Variants in C19orf25 observed in about 807,000 individuals in gnomAD.
The protein encoded by C19orf25 is chromosome 19 open reading frame 25.
In C19orf25, 1 loss-of-function variant was observed where a neutral mutation model predicts 3.1. The observed-to-expected ratio is 0.32, with a 90% CI of 0.12 to 1.54. C19orf25 has a LOEUF of 1.54. Ranked by LOEUF, C19orf25 falls within the 40% of genes most tolerant of loss-of-function variation. C19orf25 has a pLI of 0.38. For synonymous variants in C19orf25, 91 were observed against 74.3 expected, an observed-to-expected ratio of 1.23 and a Z score of -1.16; for missense variants, 196 against 160.4, an observed-to-expected ratio of 1.22 and a Z score of -1.20.
intron 2 of C19orf25, chr19:1,478,408 C>G: frequency 2.2e-6 from 1 of 445,848 alleles, no homozygotes; most frequent in Non-Finnish European, 3.7e-6. Flanking sequence ...GCCCAGCTAA[C>G]TCTGTTTTGT....
In C19orf25 at chr19:1,473,711, C is replaced by A; in HGVS notation, c.*1321G>T. On this transcript the variant is annotated 3_prime_UTR_variant, in exon 3 of 3. Transcript: ENST00000585675. ...CACTTCAGGGAGCACAGCCCTGGCC[C>A]AGCTGGGGGGACAAGGAAAGCTATG... 6.5e-6 allele frequency: 1 copy of A among 152,702 alleles called. No individual in the cohort carries two copies. The allele number at this position is 152,702 out of a possible 1,614,324, so 9.5% of individuals were successfully genotyped here. A position where few individuals can be genotyped will look rare whatever the true frequency, so the allele number is the denominator to read the frequency against.
rs370818172 is a variant in C19orf25, at chr19:1,475,224, C to T, written c.165G>A (p.Ala55=). The change falls in exon 3 of 3, where the codon GCG becomes GCA. Residue 55 remains alanine, a synonymous_variant. Coordinates refer to ENST00000585675, the MANE Select transcript of C19orf25 (RefSeq NM_152482.3). Reference sequence around the variant, plus strand: ...GGTAGAGCTGCTCTCCCGGGGCCTCCGCATCCTCCATCATCCTGAAGGGAA... The same window carrying T: ...GGTAGAGCTGCTCTCCCGGGGCCTCTGCATCCTCCATCATCCTGAAGGGAA... ...PPVPFRMMED[A]EAPGEQLYQQ... is the part of the protein sequence containing the mutation. The T allele has an allele frequency of 2.4e-5, 38 of 1,560,592 alleles. No homozygotes were observed. Among genetic ancestry groups the T allele is most frequent in the African/African-American group, 1.6e-4 (12 of 73,638 alleles).
intron 2 of C19orf25, among the ~76,000 whole-genome samples, chr19:1,477,926 G>A (rs11878400): frequency 1.4e-4 from 21 of 152,226 alleles, no homozygotes; most frequent in African/African-American, 5.1e-4. Context: ...TGCAACCTCC[G>A]ACTCCCAGGT....
At position 1,473,851 on chromosome 19, in the gene C19orf25, AAGC is replaced by A. The variant is rs1337999917; in HGVS notation, c.*1178_*1180del. On this transcript the variant is annotated 3_prime_UTR_variant, in exon 3 of 3. Transcript: ENST00000585675. ...CCCTCGGCCAGGTGAGCAGCTTCAG[AAGC>A]ATGACCAGTGAGAAGTCCCTAGGGC... The A allele has an allele frequency of 6.6e-6, 1 of 152,334 alleles. No homozygotes were observed. Among genetic ancestry groups the A allele is most frequent in the African/African-American group, 2.4e-5 (1 of 41,464 alleles). The allele number at this position is 152,334 out of a possible 1,614,324, so 9.4% of individuals were successfully genotyped here.
intron 1 of C19orf25, 37 bp downstream of exon 1, chr19:1,479,126 T>C: frequency 7.6e-7 from 1 of 1,309,588 alleles, no homozygotes. Flanking sequence ...CTGCCTCAGT[T>C]TCCCCGCGGT....
In C19orf25 at chr19:1,473,645, G is replaced by C. The variant is rs1874476607; in HGVS notation, c.*1387C>G. 2 of 152,462 alleles carry C rather than the reference G, an allele frequency of 1.3e-5. No homozygotes were observed. The highest frequency in any genetic ancestry group is 6.5e-5 in the Admixed American group (1 of 15,292). 9.4% of individuals were successfully genotyped at this position (152,462 alleles called of 1,614,324 possible). ...GCCACTACCGGGGAGAGTCAATGGT[G>C]GACAGGGGCTGCGGGAGCTGGGACG... On this transcript the variant is annotated 3_prime_UTR_variant, in exon 3 of 3. Transcript: ENST00000585675.
intron 2 of C19orf25, 103 bp from the exon 3 acceptor site, chr19:1,475,361 T>A (rs930962476): frequency 3.3e-6 from 4 of 1,204,506 alleles, no homozygotes; most frequent in Middle Eastern, 4.0e-4. Flanking sequence ...AGTCCCCGAG[T>A]GAGCTTGCCA....
At position 1,473,901 on chromosome 19, in the gene C19orf25, C is replaced by G. The variant is rs1182701859; in HGVS notation, c.*1131G>C. On this transcript the variant is annotated 3_prime_UTR_variant, in exon 3 of 3. Coordinates refer to ENST00000585675, the MANE Select transcript of C19orf25 (RefSeq NM_152482.3). The stretch of plus-strand genomic sequence containing the variant: ...GGGCCCAGGCCGGGCTAGCCAAGTC[C>G]CAGTTTCTGGATGAGGCGCCTCCCA... The G allele has an allele frequency of 2.6e-5, 4 of 152,284 alleles. No homozygotes were observed. The East Asian group carries it at 7.7e-4, about 29-fold the overall frequency. 9.4% of individuals were successfully genotyped at this position (152,284 alleles called of 1,614,324 possible).
At chr19:1,478,578 C>T (rs929077817) in intron 2 of C19orf25, 196 bp downstream of exon 2, 1 of 1,391,140 alleles carries the variant, frequency 7.2e-7, no homozygotes, top group Non-Finnish European at 9.3e-7. Context: ...CCGGCCTCCA[C>T]CCCTGTCAGA....
In C19orf25 at chr19:1,473,467, C is replaced by A. The variant is rs980495269; in HGVS notation, c.*1565G>T. On this transcript the variant is annotated 3_prime_UTR_variant, in exon 3 of 3. Coordinates refer to ENST00000585675, the MANE Select transcript of C19orf25 (RefSeq NM_152482.3). ...CCCTGGTCCCAAGGGAGGGCAGGCT[C>A]CAGGGGGTGCACAGCACCCCAGACA... 3.9e-5 allele frequency: 6 copies of A among 152,262 alleles called. No homozygotes were observed. Among genetic ancestry groups the A allele is most frequent in the Non-Finnish European group, 8.8e-5 (6 of 68,064 alleles). The allele number at this position is 152,262 out of a possible 1,614,324, so 9.4% of individuals were successfully genotyped here. A position where few individuals can be genotyped will look rare whatever the true frequency, so the allele number is the denominator to read the frequency against.
chr19:1,478,245 ATTTTT>A (rs543535192), intron 2 of C19orf25, among the ~76,000 whole-genome samples: 4 of 140,448 alleles, frequency 2.8e-5, no homozygotes, highest in African/African-American at 7.9e-5. Flanking sequence ...ACACCCAGTA[ATTTTT>A]TTTTTTTTTT....
chr19:1,474,354 G>A lies in C19orf25; in HGVS notation c.*678C>T, dbSNP rs2084181345. 6.5e-6 allele frequency: 1 copy of A among 153,792 alleles called. No homozygotes were observed. The highest frequency in any genetic ancestry group is 1.4e-5 in the Non-Finnish European group (1 of 69,224). 9.5% of individuals were successfully genotyped at this position (153,792 alleles called of 1,614,324 possible). ...AGGACCTGCTGCAGCTGGCAGGGTG[G>A]CTATGAGACTCAGGACACCCTGGGC... On this transcript the variant is annotated 3_prime_UTR_variant, in exon 3 of 3. Transcript: ENST00000585675.
chr19:1,478,698 AG>A, intron 2 of C19orf25, 75 bp downstream of exon 2: 1 of 1,529,042 alleles, frequency 6.5e-7, no homozygotes, highest in East Asian at 2.5e-5. Context: ...GTCAGGAGTT[AG>A]GGGTGTGCTT....
At chr19:1,478,230 C>T (rs987753931) in intron 2 of C19orf25, among the ~76,000 whole-genome samples, 4 of 151,920 alleles carry the variant, frequency 2.6e-5, no homozygotes, top group Non-Finnish European at 4.4e-5. Context: ...CAAGTGTCCA[C>T]CACCACACCC....
intron 2 of C19orf25, among the ~76,000 whole-genome samples, chr19:1,476,885 G>A (rs1270786365): frequency 1.3e-5 from 2 of 152,086 alleles, no homozygotes; most frequent in Non-Finnish European, 2.9e-5. Flanking sequence ...CAAAGTCCTG[G>A]GATTACAGGC....
intron 1 of C19orf25, 122 bp from the exon 2 acceptor site, chr19:1,479,027 C>A: frequency 7.1e-7 from 1 of 1,401,228 alleles, no homozygotes; most frequent in Non-Finnish European, 9.3e-7. Flanking sequence ...GAAGCCCGCC[C>A]TGTCCCGCCC....
rs758778297 is a variant in C19orf25 at position 1,475,014 on chromosome 19, C to T, written c.*18G>A. 3.2e-6 allele frequency: 5 copies of T among 1,564,280 alleles called. No individual in the cohort carries two copies. The South Asian group carries it at 4.7e-5, about 15-fold the overall frequency. Reference sequence around the variant, plus strand: ...CAGGCCACCTTGTGCGCTGCCCAAGCCTGCAGGCCCCGAGAGGTCAGCCTG... The same window carrying T: ...CAGGCCACCTTGTGCGCTGCCCAAGTCTGCAGGCCCCGAGAGGTCAGCCTG... On this transcript the variant is annotated 3_prime_UTR_variant, in exon 3 of 3. Coordinates refer to ENST00000585675, the MANE Select transcript of C19orf25 (RefSeq NM_152482.3).
intron 2 of C19orf25, chr19:1,476,396 C>G (rs980057183): frequency 5.0e-5 from 20 of 397,624 alleles, no homozygotes; most frequent in Non-Finnish European, 8.9e-5. Flanking sequence ...CACAGCGTGC[C>G]TCAGTTTCGC....
Position 1,474,720 on chromosome 19 carries a change from G to A in C19orf25, c.*312C>T, listed in dbSNP as rs1198700938. The A allele has an allele frequency of 2.3e-6, 3 of 1,306,246 alleles. No homozygotes were observed. Among genetic ancestry groups the A allele is most frequent in the Middle Eastern group, 2.5e-4 (1 of 3,928 alleles). The allele number at this position is 1,306,246 out of a possible 1,614,324, so 80.9% of individuals were successfully genotyped here. A position where few individuals can be genotyped will look rare whatever the true frequency, so the allele number is the denominator to read the frequency against. ...GGAAGGAGGTGGCACCTGCTCCCAG[G>A]GGCCCCACTGCAGAGCACGGCCACT... On this transcript the variant is annotated 3_prime_UTR_variant, in exon 3 of 3. Transcript: ENST00000585675.
Sources: gnomAD v4.1 joint callset for allele counts (sites outside exome capture counted in the v4.1 genomes callset) on GRCh38, gnomAD v4.1.1 for gene constraint, MANE v1.5 for transcripts, NCBI Gene and HGNC (gene_info 2026-07-23, HGNC 2026-07-21) for gene names.